Variants in NKAIN2 observed in about 807,000 individuals in gnomAD.
The protein encoded by NKAIN2 is sodium/potassium-transporting ATPase subunit beta-1-interacting protein 2.
In NKAIN2, 14 loss-of-function variants were observed where a neutral mutation model predicts 32.6. The ratio of observed to expected loss-of-function variants is 0.43; its 90% CI spans 0.28 to 0.67. The LOEUF is 0.67. NKAIN2 is among the 30% of genes least tolerant of loss of function. The pLI, the probability that NKAIN2 is intolerant of heterozygous loss-of-function variation, is 0.17. For synonymous variants in NKAIN2, 80 were observed against 87.2 expected (o/e 0.92, Z 0.46); for missense variants, 198 against 258.3 (o/e 0.77, Z 1.60).
intron 1 of NKAIN2, among the ~76,000 whole-genome samples, chr6:123,822,458 A>C (rs560824812): frequency 1.3e-5 from 2 of 152,196 alleles, no homozygotes; most frequent in Non-Finnish European, 2.9e-5. Context: ...AAGAAACAAT[A>C]AGGAGTTTTC....
intron 6 of NKAIN2, chr6:124,819,245 C>G (rs924112556): frequency 2.6e-5 from 7 of 264,344 alleles, no homozygotes; most frequent in Non-Finnish European, 4.1e-5. Flanking sequence ...TTGTCCTCCA[C>G]CATTGAATCA....
At chr6:124,445,465 T>C (rs546847826) in intron 3 of NKAIN2, among the ~76,000 whole-genome samples, 1 of 152,256 alleles carries the variant, frequency 6.6e-6, no homozygotes, top group Non-Finnish European at 1.5e-5. Flanking sequence ...ATTTCTCAGG[T>C]CATTTAATAT....
intron 1 of NKAIN2, among the ~76,000 whole-genome samples, chr6:124,279,822 GA>G (rs957037440): frequency 5.3e-5 from 8 of 151,348 alleles, no homozygotes; most frequent in Admixed American, 1.3e-4. Flanking sequence ...TTGTATAAAA[GA>G]AAAAAAATAA....
At chr6:124,089,056 T>C (rs1784312278) in intron 1 of NKAIN2, among the ~76,000 whole-genome samples, 1 of 152,020 alleles carries the variant, frequency 6.6e-6, no homozygotes, top group Admixed American at 6.6e-5. Flanking sequence ...CCAACATGGT[T>C]GAAGTTAACT....
chr6:124,522,264 A>G (rs926881811), intron 3 of NKAIN2, among the ~76,000 whole-genome samples: 4 of 152,214 alleles, frequency 2.6e-5, no homozygotes, highest in Admixed American at 1.3e-4. Context: ...CTGCTTTCAT[A>G]TAATATAGAA....
At chr6:124,620,270 C>A (rs1783058068) in intron 3 of NKAIN2, among the ~76,000 whole-genome samples, 1 of 152,122 alleles carries the variant, frequency 6.6e-6, no homozygotes, top group Non-Finnish European at 1.5e-5. Context: ...ACAGGGTAAT[C>A]TTATTTTTCC....
chr6:124,282,343 T>C, intron 1 of NKAIN2: 1 of 299,302 alleles, frequency 3.3e-6, no homozygotes, highest in Non-Finnish European at 6.4e-6. Flanking sequence ...TTAGGGCCCT[T>C]CTTTTACCTG....
At chr6:124,158,960 C>A (rs1219736954) in intron 1 of NKAIN2, among the ~76,000 whole-genome samples, 1 of 152,104 alleles carries the variant, frequency 6.6e-6, no homozygotes. Flanking sequence ...GCTTGCTCAT[C>A]GATGACACCC....
chr6:123,918,194 G>A (rs150745300), intron 1 of NKAIN2, among the ~76,000 whole-genome samples: 1 of 152,178 alleles, frequency 6.6e-6, no homozygotes, highest in Admixed American at 6.5e-5. Flanking sequence ...TTACATTATG[G>A]AAATTACCAA....
rs533927980 is a variant in NKAIN2, at chr6:124,410,388, T to C, written c.273+55041T>C. Reference sequence around the variant, plus strand: ...AATGTGTCCCAGGGATTCTGGTATGTTCTGTCTTTGTTCTCATTGGTTTCA... The same window carrying C: ...AATGTGTCCCAGGGATTCTGGTATGCTCTGTCTTTGTTCTCATTGGTTTCA... On this transcript the variant is annotated intron_variant, in intron 3 of 6. Transcript: ENST00000368417. 1.4e-4 allele frequency among the ~76,000 whole-genome samples: 22 copies of C among 152,342 alleles called. No homozygotes were observed. In the East Asian group the frequency reaches 2.3e-3, roughly 16 times the overall value.
intron 1 of NKAIN2, among the ~76,000 whole-genome samples, chr6:123,953,756 G>C (rs1777434291): frequency 6.6e-6 from 1 of 152,174 alleles, no homozygotes; most frequent in Non-Finnish European, 1.5e-5. Flanking sequence ...GTGCTTGCAG[G>C]CACTGGTTAT....
intron 1 of NKAIN2, among the ~76,000 whole-genome samples, chr6:124,127,835 GT>G (rs998490586): frequency 2.7e-5 from 4 of 148,618 alleles, no homozygotes; most frequent in African/African-American, 2.5e-5. Context: ...TGCTATTCCC[GT>G]TTTTTTTTTA....
At chr6:124,789,618 A>T (rs576820631) in intron 4 of NKAIN2, among the ~76,000 whole-genome samples, 1 of 151,868 alleles carries the variant, frequency 6.6e-6, no homozygotes, top group Non-Finnish European at 1.5e-5. Flanking sequence ...TGCTCAAATC[A>T]CTATGTGATT....
chr6:124,208,898 G>T, intron 1 of NKAIN2, among the ~76,000 whole-genome samples: 1 of 151,500 alleles, frequency 6.6e-6, no homozygotes, highest in Non-Finnish European at 1.5e-5. Context: ...GGTATAGAAT[G>T]TGCAATGATC....
At chr6:124,171,528 G>A (rs1000112542) in intron 1 of NKAIN2, among the ~76,000 whole-genome samples, 3 of 144,408 alleles carry the variant, frequency 2.1e-5, no homozygotes, top group Non-Finnish European at 4.5e-5. Flanking sequence ...TTAAGTTTTC[G>A]TAAGAGAGGG....
intron 1 of NKAIN2, among the ~76,000 whole-genome samples, chr6:124,250,767 AGG>A (rs1252099051): frequency 6.6e-6 from 1 of 152,028 alleles, no homozygotes; most frequent in African/African-American, 2.4e-5. Flanking sequence ...GTAAAGATAT[AGG>A]TACATACTAA....
intron 2 of NKAIN2, among the ~76,000 whole-genome samples, chr6:124,348,171 C>T (rs1048847646): frequency 6.6e-6 from 1 of 152,152 alleles, no homozygotes; most frequent in Non-Finnish European, 1.5e-5. Flanking sequence ...TCCGCGAATG[C>T]TGCTGTCTGC....
In NKAIN2 at chr6:124,825,237, T is replaced by A. The variant is rs571525879; in HGVS notation, c.*2008T>A. 2 of 152,724 alleles carry A rather than the reference T, an allele frequency of 1.3e-5. No individual in the cohort carries two copies. The highest frequency in any genetic ancestry group is 2.9e-5 in the Non-Finnish European group (2 of 68,024). The allele number at this position is 152,724 out of a possible 1,614,324, so 9.5% of individuals were successfully genotyped here. ...ATGCGATTTCACCTTATAGTACATG[T>A]ATATGGGTACAGAAAATAAACCCTC... On this transcript the variant is annotated 3_prime_UTR_variant, in exon 7 of 7. Transcript: ENST00000368417.
At chr6:124,602,779 AC>A (rs1782358436) in intron 3 of NKAIN2, among the ~76,000 whole-genome samples, 1 of 151,850 alleles carries the variant, frequency 6.6e-6, no homozygotes, top group Admixed American at 6.6e-5. Context: ...GTTCTTCTTT[AC>A]CTTTCTCACC....
Sources: gnomAD v4.1 joint callset for allele counts (sites outside exome capture counted in the v4.1 genomes callset) on GRCh38, gnomAD v4.1.1 for gene constraint, MANE v1.5 for transcripts, NCBI Gene and HGNC (gene_info 2026-07-23, HGNC 2026-07-21) for gene names.